Variants in PTPRT observed in about 807,000 individuals in gnomAD.
PTPRT encodes receptor-type tyrosine-protein phosphatase T.
A neutral mutation model predicts 176.8 loss-of-function variants in PTPRT; 56 were observed. That is an observed-to-expected ratio of 0.32 (90% CI 0.26 to 0.40). The LOEUF (loss-of-function observed/expected upper bound fraction) is 0.40. PTPRT is among the 10% of genes least tolerant of loss of function. The probability of loss-of-function intolerance (pLI) is 1.00; values close to 1 mark genes in which losing one functional copy is unlikely to be tolerated. For missense variants in PTPRT, 1,540 were observed against 1,908.2 expected, an observed-to-expected ratio of 0.81 and a Z score of 3.60; for synonymous variants, 783 against 739.0, an observed-to-expected ratio of 1.06 and a Z score of -0.96.
At chr20:43,154,764 A>G (rs1253544767) in intron 1 of PTPRT, among the ~76,000 whole-genome samples, 1 of 152,250 alleles carries the variant, frequency 6.6e-6, no homozygotes, top group East Asian at 1.9e-4. Flanking sequence ...CTGAAGAGAC[A>G]ACTCACAGAA....
chr20:42,143,641 T>C (rs746113651), intron 17 of PTPRT, among the ~76,000 whole-genome samples: 24 of 151,666 alleles, frequency 1.6e-4, no homozygotes, highest in Admixed American at 1.2e-3. Context: ...GGTGGACATA[T>C]GAGAAGTGAT....
At chr20:42,121,750 G>T (rs983002738) in intron 19 of PTPRT, among the ~76,000 whole-genome samples, 13 of 145,668 alleles carry the variant, frequency 8.9e-5, no homozygotes, top group African/African-American at 1.3e-4. Context: ...TATATGAAGA[G>T]ATATATATAT....
At position 42,079,838 on chromosome 20, in the gene PTPRT, C is replaced by T. The variant is rs1983138877; in HGVS notation, c.*1041G>A. On this transcript the variant is annotated 3_prime_UTR_variant, in exon 31 of 31. Transcript: ENST00000373187. ...TCTCCTTGCTCAGTGGCATGCTGTC[C>T]CAGGGTGGGAGCTTTTAAGGACATT... is the stretch of plus-strand genomic sequence containing the variant. The T allele has an allele frequency of 8.7e-6, 2 of 230,872 alleles. No homozygotes were observed. Among genetic ancestry groups the T allele is most frequent in the Non-Finnish European group, 1.7e-5 (2 of 116,642 alleles). The allele number at this position is 230,872 out of a possible 1,614,324, so 14.3% of individuals were successfully genotyped here.
At chr20:42,476,487 G>A (rs1306924355) in intron 7 of PTPRT, among the ~76,000 whole-genome samples, 1 of 152,198 alleles carries the variant, frequency 6.6e-6, no homozygotes, top group Non-Finnish European at 1.5e-5. Flanking sequence ...GGCCTAATAA[G>A]ATACCACGTG....
intron 1 of PTPRT, among the ~76,000 whole-genome samples, chr20:43,179,694 C>A (rs1228721078): frequency 6.6e-6 from 1 of 152,188 alleles, no homozygotes; most frequent in African/African-American, 2.4e-5. Context: ...TATTCTAAGG[C>A]CTTTAAAGAG....
chr20:42,144,365 A>G (rs912023707), intron 17 of PTPRT, among the ~76,000 whole-genome samples: 5 of 152,196 alleles, frequency 3.3e-5, no homozygotes, highest in Non-Finnish European at 5.9e-5. Flanking sequence ...AATAACAAAA[A>G]TGGCAGCCAC....
At chr20:43,108,148 AGGATAT>A (rs1254257605) in intron 1 of PTPRT, among the ~76,000 whole-genome samples, 1 of 152,204 alleles carries the variant, frequency 6.6e-6, no homozygotes, top group Non-Finnish European at 1.5e-5. Context: ...TTTGACCAGT[AGGATAT>A]GGCAGAAGTC....
intron 14 of PTPRT, among the ~76,000 whole-genome samples, chr20:42,240,809 T>C (rs1252436172): frequency 6.6e-6 from 1 of 152,232 alleles, no homozygotes; most frequent in East Asian, 1.9e-4. Flanking sequence ...TATATCCTTA[T>C]CTCTGTCAAG....
chr20:42,395,140 T>C (rs1027361546), intron 9 of PTPRT, among the ~76,000 whole-genome samples: 1 of 152,172 alleles, frequency 6.6e-6, no homozygotes, highest in Admixed American at 6.5e-5. Flanking sequence ...CATTTCAGTC[T>C]CATTTTCAGA....
intron 1 of PTPRT, among the ~76,000 whole-genome samples, chr20:43,183,794 T>C (rs2015324063): frequency 6.6e-6 from 1 of 152,264 alleles, no homozygotes; most frequent in South Asian, 2.1e-4. Flanking sequence ...ATACAGTCTC[T>C]TACATCCAGC....
At chr20:42,187,951 G>A (rs1256184281) in intron 16 of PTPRT, among the ~76,000 whole-genome samples, 1 of 152,120 alleles carries the variant, frequency 6.6e-6, no homozygotes, top group Non-Finnish European at 1.5e-5. Context: ...TCTGTGGGCC[G>A]CAGTTTCCCT....
At chr20:42,421,394 T>C (rs1379719543) in intron 9 of PTPRT, among the ~76,000 whole-genome samples, 1 of 151,882 alleles carries the variant, frequency 6.6e-6, no homozygotes, top group Non-Finnish European at 1.5e-5. Context: ...TTGGGAAAAG[T>C]GTGGAGAAAG....
At chr20:43,147,872 A>G (rs1385916888) in intron 1 of PTPRT, among the ~76,000 whole-genome samples, 1 of 151,966 alleles carries the variant, frequency 6.6e-6, no homozygotes, top group African/African-American at 2.4e-5. Flanking sequence ...TCCAAGCCAA[A>G]GCAGGATCAC....
chr20:43,169,576 A>G (rs144459026), intron 1 of PTPRT, among the ~76,000 whole-genome samples: 10 of 152,374 alleles, frequency 6.6e-5, no homozygotes, highest in Admixed American at 1.3e-4. Flanking sequence ...TTCTCAAGTC[A>G]TCCTAATCCA....
chr20:43,041,626 T>C (rs2425554), intron 1 of PTPRT, among the ~76,000 whole-genome samples: 48,230 of 152,100 alleles, frequency 0.32, 10,590 homozygotes, highest in African/African-American at 0.62. Flanking sequence ...CTTCCAAGAA[T>C]CATTTTCGGC....
At chr20:42,447,060 G>A (rs1294772794) in intron 9 of PTPRT, among the ~76,000 whole-genome samples, 2 of 152,156 alleles carry the variant, frequency 1.3e-5, no homozygotes, top group African/African-American at 4.8e-5. Flanking sequence ...CGGTCTGTTA[G>A]ATTAATCTTG....
chr20:43,165,127 G>T (rs6103179), intron 1 of PTPRT, among the ~76,000 whole-genome samples: 1,719 of 151,072 alleles, frequency 0.011, 38 homozygotes, highest in African/African-American at 0.039. Context: ...AGATCTGATG[G>T]TTTTAGAGAG....
At chr20:42,104,034 G>A (rs942057404) in intron 25 of PTPRT, among the ~76,000 whole-genome samples, 2 of 152,160 alleles carry the variant, frequency 1.3e-5, no homozygotes, top group Non-Finnish European at 2.9e-5. Context: ...TTACTGTTAC[G>A]GACTAAATGT....
intron 12 of PTPRT, among the ~76,000 whole-genome samples, chr20:42,285,318 C>G (rs1051280996): frequency 5.9e-5 from 9 of 151,928 alleles, no homozygotes; most frequent in Admixed American, 1.3e-4. Flanking sequence ...GAATGATCTT[C>G]CACTTCATGG....
Sources: gnomAD v4.1 joint callset for allele counts (sites outside exome capture counted in the v4.1 genomes callset) on GRCh38, gnomAD v4.1.1 for gene constraint, MANE v1.5 for transcripts, NCBI Gene and HGNC (gene_info 2026-07-23, HGNC 2026-07-21) for gene names.